The following MARCHF6 variants were observed in gnomAD, a reference collection of about 807,000 sequenced individuals.
MARCHF6 encodes membrane associated ring-CH-type finger 6.
A neutral mutation model predicts 133.7 loss-of-function variants in MARCHF6; 31 were observed. The observed-to-expected ratio is 0.23, with a 90% CI of 0.17 to 0.31. The LOEUF (loss-of-function observed/expected upper bound fraction) is 0.31. Ranked by LOEUF, MARCHF6 falls within the 10% of genes least tolerant of loss-of-function variation. The pLI is 1.00. For missense variants in MARCHF6, 723 were observed against 1,121.6 expected, an observed-to-expected ratio of 0.64 and a Z score of 5.08; for synonymous variants, 395 against 402.5, an observed-to-expected ratio of 0.98 and a Z score of 0.22.
At chr5:10,423,509 A>C (rs1416678363) in intron 22 of MARCHF6, among the ~76,000 whole-genome samples, 1 of 152,314 alleles carries the variant, frequency 6.6e-6, no homozygotes, top group African/African-American at 2.4e-5. Context: ...AACAATATAG[A>C]TTTTTAAAAG....
At position 10,376,331 on chromosome 5, in the gene MARCHF6, C is replaced by T. The variant is rs182970146; in HGVS notation, c.20-1467C>T. Among the ~76,000 whole-genome samples, 400 of 151,854 alleles carry T rather than the reference C, an allele frequency of 2.6e-3. 3 individuals carry two copies. Among genetic ancestry groups the T allele is most frequent in the African/African-American group, 9.2e-3 (382 of 41,396 alleles). ...GCCTTAAGAGCTGTAACACTCACCG[C>T]GAGGGTCTGCAGCTTCACTCCTGAG... is the stretch of plus-strand genomic sequence containing the variant. On this transcript the variant is annotated intron_variant, in intron 1 of 25. Transcript: ENST00000274140.
chr5:10,419,612 C>CT lies in MARCHF6; in HGVS notation c.2283+2224dup, dbSNP rs148493492. Among the ~76,000 whole-genome samples the CT allele has an allele frequency of 3.9e-3, 538 of 139,376 alleles. 3 individuals are homozygous for CT. The highest frequency in any genetic ancestry group is 0.011 in the Middle Eastern group (3 of 264). 91.4% of individuals were successfully genotyped at this position (139,376 alleles called of 152,430 possible). On this transcript the variant is annotated intron_variant, in intron 22 of 25. Coordinates refer to ENST00000274140, the MANE Select transcript of MARCHF6 (RefSeq NM_005885.4). ...ATCTGTAATTGAAGGAAAGAGCTAC[C>CT]TTTTTTTTTTTTTTTTACAGAAAAA...
At chr5:10,430,065 T>C (rs377342692) in intron 25 of MARCHF6, 37 bp downstream of exon 25, 235 of 1,578,306 alleles carry the variant, frequency 1.5e-4, no homozygotes, top group Non-Finnish European at 2.0e-4. Flanking sequence ...TGTTTAAGTG[T>C]TTTCACTTCT....
At chr5:10,370,092 ATTTTTTTTTTT>A (rs762064486) in intron 1 of MARCHF6, among the ~76,000 whole-genome samples, 10 of 64,968 alleles carry the variant, frequency 1.5e-4, no homozygotes, top group South Asian at 8.1e-4. Flanking sequence ...TCTTACTGTG[ATTTTTTTTTTT>A]TTTTTTTTTT....
At chr5:10,402,502 G>A (rs2126764201) in intron 13 of MARCHF6, 31 bp from the exon 14 acceptor site, 1 of 1,612,146 alleles carries the variant, frequency 6.2e-7, no homozygotes, top group East Asian at 2.2e-5. Flanking sequence ...CTACATTTGG[G>A]TGATACTGAT....
At chr5:10,425,031 A>G (rs1046612413) in intron 23 of MARCHF6, among the ~76,000 whole-genome samples, 15 of 152,172 alleles carry the variant, frequency 9.9e-5, no homozygotes, top group African/African-American at 2.9e-4. Context: ...GACCCCTCTT[A>G]TCCTTAGGCC....
Position 10,423,897 on chromosome 5 carries a change from A to T in MARCHF6, c.2373+73A>T, listed in dbSNP as rs545291172. ...TTTATGTTTGGCAGCTATAACTCTT[A>T]TTTCTTATCTTCCTACCTTGCTGAG... is the stretch of plus-strand genomic sequence containing the variant. On this transcript the variant is annotated intron_variant, in intron 23 of 25. Transcript: ENST00000274140. 3.8e-6 allele frequency: 4 copies of T among 1,042,024 alleles called. No individual in the cohort carries two copies. The African/African-American group carries it at 4.9e-5, about 13-fold the overall frequency. The allele number at this position is 1,042,024 out of a possible 1,614,324, so 64.5% of individuals were successfully genotyped here.
intron 10 of MARCHF6, 127 bp downstream of exon 10, chr5:10,397,471 G>C (rs1738263809): frequency 1.5e-6 from 1 of 663,310 alleles, no homozygotes; most frequent in African/African-American, 1.9e-5. Context: ...TATGAAAATA[G>C]TTTCAGATAC....
chr5:10,388,342 ACTCT>A (rs1408693636), intron 5 of MARCHF6, among the ~76,000 whole-genome samples: 8 of 152,082 alleles, frequency 5.3e-5, no homozygotes, highest in African/African-American at 1.9e-4. Context: ...AATGTTTTAC[ACTCT>A]CTATAGAATT....
chr5:10,410,436 AT>A (rs1331433875), intron 18 of MARCHF6, among the ~76,000 whole-genome samples, 160 bp downstream of exon 18: 1 of 151,706 alleles, frequency 6.6e-6, no homozygotes, highest in Admixed American at 6.6e-5. Flanking sequence ...TCTAAATGAA[AT>A]TTTTTTTTCT....
chr5:10,375,406 C>T (rs932762260), intron 1 of MARCHF6, among the ~76,000 whole-genome samples: 7 of 152,346 alleles, frequency 4.6e-5, no homozygotes, highest in East Asian at 1.9e-4. Flanking sequence ...GGGCAGGGCT[C>T]GGGACCTGCA....
intron 7 of MARCHF6, among the ~76,000 whole-genome samples, chr5:10,393,534 A>G (rs1738000057): frequency 6.6e-6 from 1 of 152,198 alleles, no homozygotes; most frequent in Non-Finnish European, 1.5e-5. Context: ...GCTACCCTTG[A>G]GTCTGGCCGT....
chr5:10,365,906 C>A (rs1320016128), intron 1 of MARCHF6, among the ~76,000 whole-genome samples: 1 of 151,890 alleles, frequency 6.6e-6, no homozygotes, highest in Non-Finnish European at 1.5e-5. Context: ...AATGTTATAT[C>A]TCTTTCCATA....
At position 10,353,760 on chromosome 5, in the gene MARCHF6, T is replaced by C. The variant is rs1579503063; in HGVS notation, c.-139T>C. Reference sequence around the variant, plus strand: ...AGCCTCTCTCCCTCTCCCTCTCCCCTCTCCTTCCTCTCGCTTCCTCTCTCG... The same window carrying C: ...AGCCTCTCTCCCTCTCCCTCTCCCCCCTCCTTCCTCTCGCTTCCTCTCTCG... On this transcript the variant is annotated 5_prime_UTR_variant, in exon 1 of 26. Coordinates refer to ENST00000274140, the MANE Select transcript of MARCHF6 (RefSeq NM_005885.4). 2.5e-6 allele frequency: 1 copy of C among 396,652 alleles called. No individual in the cohort carries two copies. Among genetic ancestry groups the C allele is most frequent in the Non-Finnish European group, 4.5e-6 (1 of 221,660 alleles). The allele number at this position is 396,652 out of a possible 1,614,324, so 24.6% of individuals were successfully genotyped here. A position where few individuals can be genotyped will look rare whatever the true frequency, so the allele number is the denominator to read the frequency against.
chr5:10,435,675 A>T lies in MARCHF6; in HGVS notation c.*1991A>T, dbSNP rs1247728904. The T allele has an allele frequency of 5.0e-4, 3 of 5,944 alleles. No individual in the cohort carries two copies. Among genetic ancestry groups the T allele is most frequent in the African/African-American group, 1.2e-3 (1 of 824 alleles). 0.4% of individuals were successfully genotyped at this position (5,944 alleles called of 1,614,324 possible). On this transcript the variant is annotated 3_prime_UTR_variant, in exon 26 of 26. Transcript: ENST00000274140. ...TATATATATATATATATATATATAT[A>T]TATATATATATATATATATATATTT...
At chr5:10,385,914 A>C (rs1737437958) in intron 4 of MARCHF6, among the ~76,000 whole-genome samples, 1 of 152,204 alleles carries the variant, frequency 6.6e-6, no homozygotes, top group South Asian at 2.1e-4. Context: ...ATTTGTTTAT[A>C]TACAGATACA....
intron 25 of MARCHF6, among the ~76,000 whole-genome samples, chr5:10,430,502 C>T (rs998446993): frequency 6.6e-6 from 1 of 151,976 alleles, no homozygotes; most frequent in Non-Finnish European, 1.5e-5. Context: ...GACAGGGTTT[C>T]ACCATGTTGG....
chr5:10,433,886 G>T lies in MARCHF6; in HGVS notation c.*202G>T. The T allele has an allele frequency of 1.8e-6, 1 of 564,586 alleles. No homozygotes were observed. The highest frequency in any genetic ancestry group is 3.2e-6 in the Non-Finnish European group (1 of 313,310). 35.0% of individuals were successfully genotyped at this position (564,586 alleles called of 1,614,324 possible). A position where few individuals can be genotyped will look rare whatever the true frequency, so the allele number is the denominator to read the frequency against. On this transcript the variant is annotated 3_prime_UTR_variant, in exon 26 of 26. Transcript: ENST00000274140. ...CTGACATTACTGCTGTCTGAGATTT[G>T]TATATGTGTAAATACAAGTTCCTTG...
Position 10,434,570 on chromosome 5 carries a change from A to C in MARCHF6, c.*886A>C, listed in dbSNP as rs894360153. 6.8e-6 allele frequency: 1 copy of C among 148,074 alleles called. No homozygotes were observed. The highest frequency in any genetic ancestry group is 2.5e-5 in the African/African-American group (1 of 40,142). 9.2% of individuals were successfully genotyped at this position (148,074 alleles called of 1,614,324 possible). ...TGTAGCAGTGGCCGAAAGTCCTGCA[A>C]GGTCATAAATCTTTCAGAGTGACAT... is the stretch of plus-strand genomic sequence containing the variant. On this transcript the variant is annotated 3_prime_UTR_variant, in exon 26 of 26. Coordinates refer to ENST00000274140, the MANE Select transcript of MARCHF6 (RefSeq NM_005885.4).
Sources: allele counts gnomAD v4.1 joint callset (sites outside exome capture counted in the v4.1 genomes callset), GRCh38; gene constraint gnomAD v4.1.1; transcripts MANE v1.5; gene names NCBI Gene and HGNC (gene_info 2026-07-23, HGNC 2026-07-21).